PLD5: variants seen among roughly 807,000 people sequenced by gnomAD.
PLD5 encodes phospholipase D family member 5, also known as inactive phospholipase D5.
Under a neutral mutation model 61.1 loss-of-function variants are expected in PLD5, and 36 were observed. The ratio of observed to expected loss-of-function variants is 0.59; its 90% CI spans 0.45 to 0.78. PLD5 has a LOEUF of 0.78. PLD5 is among the 30% of genes least tolerant of loss of function. The probability of loss-of-function intolerance (pLI) is 0.00; values close to 1 mark genes in which losing one functional copy is unlikely to be tolerated. For missense variants in PLD5, 515 were observed against 644.4 expected, an observed-to-expected ratio of 0.80 and a Z score of 2.17; for synonymous variants, 243 against 242.8, an observed-to-expected ratio of 1.00 and a Z score of -0.01.
intron 2 of PLD5, among the ~76,000 whole-genome samples, chr1:242,326,548 C>G (rs1658796085): frequency 6.6e-6 from 1 of 152,100 alleles, no homozygotes; most frequent in Non-Finnish European, 1.5e-5. Flanking sequence ...CTTAAATCCT[C>G]CCCCATCCCT....
chr1:242,092,359 T>TGG (rs1450609710), intron 9 of PLD5, among the ~76,000 whole-genome samples: 1 of 151,890 alleles, frequency 6.6e-6, no homozygotes, highest in Admixed American at 6.6e-5. Flanking sequence ...AGCTGAGGAG[T>TGG]GGGAGGCTCA....
Position 242,355,136 on chromosome 1 carries a change from T to C in PLD5, c.190-6894A>G, listed in dbSNP as rs552322464. On this transcript the variant is annotated intron_variant, in intron 1 of 9. Transcript: ENST00000536534. ...TAGTATAGGGGTAATGCTGACTTTGTAAAAAGACTTTGGAAGTATTCTTTC... is the reference window on the plus strand; with the variant it reads ...TAGTATAGGGGTAATGCTGACTTTGCAAAAAGACTTTGGAAGTATTCTTTC... Among the ~76,000 whole-genome samples the C allele has an allele frequency of 1.9e-3, 292 of 152,330 alleles. 1 individual carries two copies. Among genetic ancestry groups the C allele is most frequent in the African/African-American group, 6.6e-3 (275 of 41,558 alleles).
intron 8 of PLD5, among the ~76,000 whole-genome samples, chr1:242,105,992 T>TAGGA (rs1661027498): frequency 6.6e-6 from 1 of 152,188 alleles, no homozygotes; most frequent in African/African-American, 2.4e-5. Flanking sequence ...CAGCTCATGC[T>TAGGA]AGGACCCCAA....
At chr1:242,302,498 G>T (rs1188457217) in intron 2 of PLD5, among the ~76,000 whole-genome samples, 2 of 151,730 alleles carry the variant, frequency 1.3e-5, no homozygotes, top group African/African-American at 4.8e-5. Context: ...CAAGAGGACT[G>T]CTTGAGGCCA....
Position 242,326,643 on chromosome 1 carries a change from AT to A in PLD5, c.326+21462del, listed in dbSNP as rs200594393. ...TGCACTGCTGAAAAAAGATCTTGAT[AT>A]TTTCCTTATATTCTCTTTTGGTTAT... On this transcript the variant is annotated intron_variant, in intron 2 of 9. Coordinates refer to ENST00000536534, the MANE Select transcript of PLD5 (RefSeq NM_001372062.1). 3.8e-3 allele frequency among the ~76,000 whole-genome samples: 581 copies of A among 151,948 alleles called. 4 individuals are homozygous for A. Among genetic ancestry groups the A allele is most frequent in the African/African-American group, 0.013 (558 of 41,432 alleles).
chr1:242,241,910 T>TATAC (rs1210639780), intron 4 of PLD5, among the ~76,000 whole-genome samples: 4,426 of 49,516 alleles, frequency 0.089, 284 homozygotes, highest in Non-Finnish European at 0.12. Context: ...TATATATATA[T>TATAC]ACTTACTGTA....
intron 1 of PLD5, among the ~76,000 whole-genome samples, chr1:242,395,376 C>G (rs894935159): frequency 3.3e-5 from 5 of 152,034 alleles, no homozygotes; most frequent in East Asian, 1.9e-4. Flanking sequence ...GCCTGAGTAC[C>G]TGCTAACTAC....
intron 1 of PLD5, among the ~76,000 whole-genome samples, chr1:242,396,668 C>CTTTCTTTTTTTTTTTTTTT (rs1479365427): frequency 8.0e-6 from 1 of 125,148 alleles, no homozygotes; most frequent in East Asian, 2.2e-4. Flanking sequence ...TCTTTCTTTT[C>CTTTCTTTTTTTTTTTTTTT]TTTTCTTTTT....
intron 1 of PLD5, among the ~76,000 whole-genome samples, chr1:242,416,791 T>C (rs1664855190): frequency 6.6e-6 from 1 of 152,230 alleles, no homozygotes; most frequent in African/African-American, 2.4e-5. Context: ...TAGATTCCCC[T>C]GGTAACTTCC....
rs532540752 is a variant in PLD5 at position 242,157,851 on chromosome 1, G to A, written c.736-33186C>T. ...AGCAAAGCTCCAACGCTGTGCTGGG[G>A]GATCTGCTGCTCTCTTCAGAGCTGT... On this transcript the variant is annotated intron_variant, in intron 5 of 9. Transcript: ENST00000536534. 1.8e-4 allele frequency among the ~76,000 whole-genome samples: 28 copies of A among 152,322 alleles called. No individual in the cohort carries two copies. In the South Asian group the frequency reaches 3.7e-3, roughly 20 times the overall value.
intron 1 of PLD5, among the ~76,000 whole-genome samples, chr1:242,353,293 A>G (rs1402003291): frequency 1.3e-5 from 2 of 152,154 alleles, no homozygotes; most frequent in African/African-American, 4.8e-5. Flanking sequence ...TCCATTGTAT[A>G]TTCTTAGCAC....
At chr1:242,395,819 G>T (rs139640377) in intron 1 of PLD5, among the ~76,000 whole-genome samples, 1 of 152,308 alleles carries the variant, frequency 6.6e-6, no homozygotes, top group Non-Finnish European at 1.5e-5. Flanking sequence ...GGAGGCCAAG[G>T]CAGGTGAATC....
chr1:242,168,149 C>T (rs1253449640), intron 5 of PLD5, among the ~76,000 whole-genome samples: 2 of 152,182 alleles, frequency 1.3e-5, no homozygotes, highest in East Asian at 1.9e-4. Flanking sequence ...TAATGGTTAA[C>T]AATCGCCTTT....
At chr1:242,241,635 G>C (rs955805175) in intron 4 of PLD5, among the ~76,000 whole-genome samples, 3 of 151,780 alleles carry the variant, frequency 2.0e-5, no homozygotes, top group Non-Finnish European at 1.5e-5. Context: ...AACTTTCTGA[G>C]AAAAATAATT....
At chr1:242,238,004 T>C (rs1671751518) in intron 4 of PLD5, among the ~76,000 whole-genome samples, 1 of 152,082 alleles carries the variant, frequency 6.6e-6, no homozygotes, top group Non-Finnish European at 1.5e-5. Flanking sequence ...TCATCCCTCC[T>C]GTAACATAAA....
At chr1:242,223,071 C>T (rs1238405718) in intron 4 of PLD5, among the ~76,000 whole-genome samples, 3 of 152,146 alleles carry the variant, frequency 2.0e-5, no homozygotes, top group Non-Finnish European at 4.4e-5. Flanking sequence ...CTGTGAAGTC[C>T]AAGATCAAGG....
chr1:242,165,599 GA>G (rs1666253399), intron 5 of PLD5, among the ~76,000 whole-genome samples: 1 of 152,140 alleles, frequency 6.6e-6, no homozygotes, highest in African/African-American at 2.4e-5. Context: ...TGTGATTAAG[GA>G]AAAGATAAAA....
intron 1 of PLD5, among the ~76,000 whole-genome samples, chr1:242,370,907 C>T (rs1661598126): frequency 1.3e-5 from 2 of 152,140 alleles, no homozygotes; most frequent in South Asian, 4.1e-4. Flanking sequence ...TGCAATATAT[C>T]AAAATAAGTC....
At chr1:242,142,450 T>C (rs1664236117) in intron 5 of PLD5, among the ~76,000 whole-genome samples, 1 of 152,180 alleles carries the variant, frequency 6.6e-6, no homozygotes, top group South Asian at 2.1e-4. Flanking sequence ...CCTTTGTATA[T>C]TTCCAAATGG....
Sources: allele counts gnomAD v4.1 joint callset (sites outside exome capture counted in the v4.1 genomes callset), GRCh38; gene constraint gnomAD v4.1.1; transcripts MANE v1.5; gene names NCBI Gene and HGNC (gene_info 2026-07-23, HGNC 2026-07-21).